DCAF4: variants seen among roughly 807,000 people sequenced by gnomAD.
DCAF4 encodes the protein DDB1- and CUL4-associated factor 4.
A neutral mutation model predicts 60.9 loss-of-function variants in DCAF4; 37 were observed. The ratio of observed to expected loss-of-function variants is 0.61; its 90% CI spans 0.47 to 0.80. The LOEUF (loss-of-function observed/expected upper bound fraction) is 0.80, where lower values mean the gene tolerates loss of function less well. DCAF4 is among the 30% of genes least tolerant of loss of function. DCAF4 has a pLI of 0.00. For missense variants in DCAF4, 577 were observed against 650.0 expected, an observed-to-expected ratio of 0.89 and a Z score of 1.22; for synonymous variants, 243 against 254.8, an observed-to-expected ratio of 0.95 and a Z score of 0.44.
chr14:72,961,949 G>A (rs1239721471), downstream of DCAF4: 11 of 1,145,638 alleles, frequency 9.6e-6, no homozygotes, highest in African/African-American at 5.0e-5. Context: ...CCAGCTCTCC[G>A]TCGGAGCACG....
intron 2 of DCAF4, among the ~76,000 whole-genome samples, chr14:72,938,800 G>C (rs943676549): frequency 6.6e-6 from 1 of 152,148 alleles, no homozygotes. Context: ...GAGCTTGCGG[G>C]ACTGGAAGTC....
At chr14:72,955,841 T>C in intron 12 of DCAF4, 145 bp downstream of exon 12, 1 of 717,668 alleles carries the variant, frequency 1.4e-6, no homozygotes, top group South Asian at 1.8e-5. Flanking sequence ...AGGCCCTGCA[T>C]GGGGACTGCT....
Position 72,945,917 on chromosome 14 carries a change from A to G in DCAF4, c.568A>G (p.Asn190Asp), listed in dbSNP as rs756764514. Residue 190 changes from asparagine (N) to aspartate (D), a missense_variant, in exon 7 of 14, where the codon AAC (asparagine) becomes GAC (aspartate). By Grantham distance (23) the Asn-to-Asp change is conservative (BLOSUM62 1). Transcript: ENST00000358377. ...DTNSDRLFTV[N>D]DVKVGGSKYG... ...CAACAGTGACCGGCTCTTCACAGTG[A>G]ACGATGTTAAAGTTGGAGGCTCCAA... is the stretch of plus-strand genomic sequence containing the variant. 1 of 1,614,178 alleles carries G rather than the reference A, an allele frequency of 6.2e-7. No homozygotes were observed. Among genetic ancestry groups the G allele is most frequent in the South Asian group, 1.1e-5 (1 of 91,082 alleles).
chr14:72,943,394 G>A (rs1372025269), intron 6 of DCAF4, among the ~76,000 whole-genome samples: 1 of 152,122 alleles, frequency 6.6e-6, no homozygotes, highest in Non-Finnish European at 1.5e-5. Flanking sequence ...ACTTCTCCTT[G>A]GCTGTGTTGT....
At chr14:72,931,038 G>T (rs1322865219) in intron 1 of DCAF4, among the ~76,000 whole-genome samples, 2 of 152,126 alleles carry the variant, frequency 1.3e-5, no homozygotes, top group East Asian at 3.8e-4. Context: ...GAAATTGCGA[G>T]GTGCGAGTCA....
rs1892688550 is a variant in DCAF4, at chr14:72,959,385, A to G, written c.*580A>G. 2.0e-6 allele frequency: 2 copies of G among 985,298 alleles called. No homozygotes were observed. The highest frequency in any genetic ancestry group is 1.2e-4 in the Admixed American group (2 of 16,268). The allele number at this position is 985,298 out of a possible 1,614,324, so 61.0% of individuals were successfully genotyped here. ...TCCGGGATTCTGCTGTTATTATCCA[A>G]AGGCGTTGGAAGGAAAGATGGATCT... On this transcript the variant is annotated 3_prime_UTR_variant, in exon 14 of 14. Transcript: ENST00000358377.
chr14:72,935,827 A>G (rs1287618514), intron 1 of DCAF4, among the ~76,000 whole-genome samples: 1 of 152,240 alleles, frequency 6.6e-6, no homozygotes, highest in Non-Finnish European at 1.5e-5. Context: ...GTATTCATGC[A>G]TTGTTACATA....
intron 1 of DCAF4, among the ~76,000 whole-genome samples, chr14:72,933,897 A>G (rs573639701): frequency 5.3e-5 from 8 of 152,286 alleles, no homozygotes; most frequent in Non-Finnish European, 1.2e-4. Flanking sequence ...CGCTATCCCA[A>G]GTACCATGTC....
chr14:72,961,521 A>G (rs1052533179), downstream of DCAF4, among the ~76,000 whole-genome samples: 4 of 152,192 alleles, frequency 2.6e-5, no homozygotes, highest in South Asian at 4.1e-4. Context: ...GACAAGGGTG[A>G]GATTTTTCTC....
chr14:72,935,942 T>C (rs1668410095), intron 1 of DCAF4, among the ~76,000 whole-genome samples: 1 of 152,112 alleles, frequency 6.6e-6, no homozygotes, highest in Non-Finnish European at 1.5e-5. Flanking sequence ...CAGTAGAGTT[T>C]ATTTTTCCTA....
chr14:72,949,749 T>C (rs1378786469), intron 8 of DCAF4, among the ~76,000 whole-genome samples: 1 of 152,196 alleles, frequency 6.6e-6, no homozygotes, highest in Non-Finnish European at 1.5e-5. Context: ...AGAGCAAGAC[T>C]CCATCTCAAA....
chr14:72,939,790 G>T lies in DCAF4; in HGVS notation c.93-12G>T. ...TCCTGGGCTGCAAGTTAACACAGCT[G>T]TGTGTCAACAGGTCTGACTCCCGGG... On this transcript the variant is annotated splice_polypyrimidine_tract_variant and intron_variant, in intron 2 of 13. Coordinates refer to ENST00000358377, the MANE Select transcript of DCAF4 (RefSeq NM_015604.4). The T allele has an allele frequency of 6.2e-7, 1 of 1,605,884 alleles. No individual in the cohort carries two copies. Among genetic ancestry groups the T allele is most frequent in the Non-Finnish European group, 8.5e-7 (1 of 1,175,736 alleles).
chr14:72,942,885 G>A (rs1412645682), intron 5 of DCAF4, 109 bp from the exon 6 acceptor site: 6 of 909,846 alleles, frequency 6.6e-6, no homozygotes, highest in Non-Finnish European at 1.0e-5. Context: ...TGTGGAGCAG[G>A]CTGACGAGGA....
intron 12 of DCAF4, among the ~76,000 whole-genome samples, chr14:72,955,932 T>C (rs1039865999): frequency 2.1e-5 from 3 of 142,324 alleles, no homozygotes; most frequent in Admixed American, 7.1e-5. Flanking sequence ...TTTTTTTTTT[T>C]TTTTTTTTGA....
chr14:72,943,065 C>G lies in DCAF4; in HGVS notation c.503C>G (p.Ala168Gly), dbSNP rs200019519. Residue 168 changes from alanine to glycine, a missense_variant, in exon 6 of 14, where the codon GCC (alanine) becomes GGC (glycine). Coordinates refer to ENST00000358377, the MANE Select transcript of DCAF4 (RefSeq NM_015604.4). ...KVQIRSMDPSALASDRFNLIL... is the reference protein window; with the variant it reads ...KVQIRSMDPSGLASDRFNLIL... ...CAGATTCGAAGCATGGATCCCTCCGCCTTGGCAAGCGACCGATTTAACCTC... is the reference window on the plus strand; with the variant it reads ...CAGATTCGAAGCATGGATCCCTCCGGCTTGGCAAGCGACCGATTTAACCTC... 4 of 1,614,182 alleles carry G rather than the reference C, an allele frequency of 2.5e-6. No homozygotes were observed. The highest frequency in any genetic ancestry group is 3.3e-5 in the Admixed American group (2 of 60,012).
At chr14:72,954,308 C>G (rs779113419) in intron 10 of DCAF4, 46 bp downstream of exon 10, 1 of 1,613,134 alleles carries the variant, frequency 6.2e-7, no homozygotes, top group South Asian at 1.1e-5. Flanking sequence ...CTTAACAGGC[C>G]TTAAAACCCC....
At chr14:72,953,826 G>A (rs72734410) in intron 9 of DCAF4, among the ~76,000 whole-genome samples, 29,568 of 86,270 alleles carry the variant, frequency 0.34, 6,882 homozygotes, top group East Asian at 0.7. Context: ...GTGTGTGTGT[G>A]TGTATATACA....
intron 1 of DCAF4, among the ~76,000 whole-genome samples, chr14:72,930,321 T>G (rs1182877865): frequency 6.6e-6 from 1 of 151,800 alleles, no homozygotes; most frequent in East Asian, 1.9e-4. Flanking sequence ...CAGGCTGCAA[T>G]GCAGTGGCAC....
chr14:72,934,156 CTT>C (rs72429674), intron 1 of DCAF4, among the ~76,000 whole-genome samples: 4 of 136,268 alleles, frequency 2.9e-5, no homozygotes, highest in Admixed American at 7.6e-5. Flanking sequence ...GTGGCATTTT[CTT>C]TTTTTTTTTT....
Sources: allele counts gnomAD v4.1 joint callset (sites outside exome capture counted in the v4.1 genomes callset), GRCh38; gene constraint gnomAD v4.1.1; transcripts MANE v1.5; gene names NCBI Gene and HGNC (gene_info 2026-07-23, HGNC 2026-07-21).